The following OSBPL6 variants were observed in gnomAD, a reference collection of about 807,000 sequenced individuals.
OSBPL6 encodes the protein oxysterol-binding protein-related protein 6.
OSBPL6 carries 49 observed loss-of-function variants against 125.8 expected under a neutral mutation model. The observed-to-expected ratio is 0.39, with a 90% confidence interval of 0.31 to 0.49. OSBPL6 has a LOEUF of 0.49. OSBPL6 is among the 20% of genes least tolerant of loss of function. The probability of loss-of-function intolerance (pLI) is 0.88; values close to 1 mark genes in which losing one functional copy is unlikely to be tolerated. For missense variants in OSBPL6, 986 were observed against 1,135.4 expected (o/e 0.87, Z 1.89); for synonymous variants, 394 against 391.8 (o/e 1.01, Z -0.07).
At chr2:178,265,773 C>T (rs555450597) in intron 1 of OSBPL6, among the ~76,000 whole-genome samples, 2 of 152,132 alleles carry the variant, frequency 1.3e-5, no homozygotes, top group East Asian at 1.9e-4. Flanking sequence ...TCTCTCGCTC[C>T]CCTTTCCTCC....
In OSBPL6 at chr2:178,228,069, C is replaced by T. The variant is rs185799958; in HGVS notation, c.-351+33395C>T. Among the ~76,000 whole-genome samples the T allele has an allele frequency of 2.2e-3, 332 of 152,140 alleles. 1 individual carries two copies. The highest frequency in any genetic ancestry group is 0.017 in the Middle Eastern group (5 of 294). On this transcript the variant is annotated intron_variant, in intron 1 of 24. Transcript: ENST00000190611. ...AGGACAAGTGGAAAAGAAAGAGTAGCACAGTACATTTACAGCAGTTGGAAA... is the reference window on the plus strand; with the variant it reads ...AGGACAAGTGGAAAAGAAAGAGTAGTACAGTACATTTACAGCAGTTGGAAA...
In OSBPL6 at chr2:178,341,384, C is replaced by T. The variant is rs115269695; in HGVS notation, c.987+1620C>T. ...ACACAGAATGCAACTGGGACTATAC[C>T]ACCTAGCCTCTCAGCCTGTGGTTTT... On this transcript the variant is annotated intron_variant, in intron 11 of 24. Coordinates refer to ENST00000190611, the MANE Select transcript of OSBPL6 (RefSeq NM_032523.4). 3.0e-3 allele frequency among the ~76,000 whole-genome samples: 442 copies of T among 149,564 alleles called. 4 individuals carry two copies. Among genetic ancestry groups the T allele is most frequent in the African/African-American group, 0.011 (432 of 40,656 alleles).
At chr2:178,345,139 T>C (rs1440222581) in intron 11 of OSBPL6, among the ~76,000 whole-genome samples, 1 of 152,220 alleles carries the variant, frequency 6.6e-6, no homozygotes, top group South Asian at 2.1e-4. Context: ...CCAATTATAA[T>C]ATTTGTTTAA....
intron 13 of OSBPL6, among the ~76,000 whole-genome samples, chr2:178,368,294 G>T (rs148293923): frequency 1.1e-3 from 171 of 152,250 alleles, no homozygotes; most frequent in African/African-American, 4.1e-3. Flanking sequence ...GCAGAAAGGG[G>T]CTGTTGCATG....
At chr2:178,312,649 T>A (rs1687393320) in intron 3 of OSBPL6, among the ~76,000 whole-genome samples, 1 of 151,516 alleles carries the variant, frequency 6.6e-6, no homozygotes, top group Non-Finnish European at 1.5e-5. Context: ...AGAGATGGGG[T>A]TTCACTACGT....
At chr2:178,344,228 T>C in intron 11 of OSBPL6, 1 of 1,417,190 alleles carries the variant, frequency 7.1e-7, no homozygotes, top group East Asian at 2.3e-5. Flanking sequence ...TCCTCCCATC[T>C]TCCATCCTTT....
At chr2:178,313,103 C>T (rs867510549) in intron 3 of OSBPL6, among the ~76,000 whole-genome samples, 2 of 152,068 alleles carry the variant, frequency 1.3e-5, no homozygotes, top group Non-Finnish European at 2.9e-5. Flanking sequence ...ACCATGTTGG[C>T]CAGGCTGGTC....
chr2:178,238,908 C>G (rs1190798844), intron 1 of OSBPL6, among the ~76,000 whole-genome samples: 2 of 152,200 alleles, frequency 1.3e-5, no homozygotes, highest in Admixed American at 6.5e-5. Flanking sequence ...TTCTTATCCC[C>G]TCTCCCGCCT....
chr2:178,281,989 CG>C (rs1684237491), intron 1 of OSBPL6, among the ~76,000 whole-genome samples: 1 of 152,126 alleles, frequency 6.6e-6, no homozygotes, highest in African/African-American at 2.4e-5. Context: ...AATTAAGGTC[CG>C]GTCCCTGCTT....
intron 20 of OSBPL6, 68 bp from the exon 21 acceptor site, chr2:178,388,941 A>G (rs1419930511): frequency 4.0e-6 from 6 of 1,514,930 alleles, no homozygotes; most frequent in Non-Finnish European, 5.4e-6. Context: ...GAATATTCTC[A>G]TTAGCAGAAA....
chr2:178,268,361 C>T (rs995469455), intron 1 of OSBPL6, among the ~76,000 whole-genome samples: 7 of 152,122 alleles, frequency 4.6e-5, no homozygotes, highest in Non-Finnish European at 2.9e-5. Flanking sequence ...GGATTATAGG[C>T]GTGAACCACT....
intron 11 of OSBPL6, chr2:178,344,432 C>A: frequency 1.4e-6 from 2 of 1,420,768 alleles, no homozygotes; most frequent in Non-Finnish European, 2.0e-6. Flanking sequence ...ACTCCCCTGT[C>A]CTGATGGTGC....
chr2:178,298,667 G>A (rs1004918779), intron 2 of OSBPL6, among the ~76,000 whole-genome samples: 8 of 150,574 alleles, frequency 5.3e-5, no homozygotes, highest in East Asian at 1.9e-4. Context: ...ACAGGTGTGA[G>A]CCACCATGCC....
chr2:178,263,288 G>A (rs1488963467), intron 1 of OSBPL6, among the ~76,000 whole-genome samples: 4 of 152,222 alleles, frequency 2.6e-5, no homozygotes, highest in Non-Finnish European at 4.4e-5. Flanking sequence ...AGACTAGCCT[G>A]ACGGACATGG....
intron 9 of OSBPL6, among the ~76,000 whole-genome samples, chr2:178,338,345 A>C (rs73032568): frequency 0.2 from 31,049 of 152,056 alleles, 3,565 homozygotes; most frequent in African/African-American, 0.3. Flanking sequence ...TAAACCAAAA[A>C]ATTTAAAAGA....
chr2:178,251,231 A>T, intron 1 of OSBPL6, among the ~76,000 whole-genome samples: 1 of 152,192 alleles, frequency 6.6e-6, no homozygotes, highest in Non-Finnish European at 1.5e-5. Flanking sequence ...TTCTGGTCAG[A>T]GAGCCCACAG....
intron 15 of OSBPL6, among the ~76,000 whole-genome samples, chr2:178,380,116 TAAGAC>T (rs976214571): frequency 2.0e-5 from 3 of 152,050 alleles, no homozygotes; most frequent in Non-Finnish European, 2.9e-5. Flanking sequence ...GTGTGAAAGA[TAAGAC>T]AAGGAGTTCA....
At chr2:178,360,197 C>T (rs1692216821) in intron 12 of OSBPL6, among the ~76,000 whole-genome samples, 1 of 152,128 alleles carries the variant, frequency 6.6e-6, no homozygotes, top group South Asian at 2.1e-4. Context: ...AAAACAGTGA[C>T]TACCAGGATG....
intron 12 of OSBPL6, among the ~76,000 whole-genome samples, chr2:178,351,010 C>G (rs1376354354): frequency 6.6e-6 from 1 of 152,022 alleles, no homozygotes; most frequent in Non-Finnish European, 1.5e-5. Flanking sequence ...TCATTTGCAG[C>G]AAAAGCATTT....
Sources: gnomAD v4.1 joint callset for allele counts (sites outside exome capture counted in the v4.1 genomes callset) on GRCh38, gnomAD v4.1.1 for gene constraint, MANE v1.5 for transcripts, NCBI Gene and HGNC (gene_info 2026-07-23, HGNC 2026-07-21) for gene names.